The following ZMIZ1 variants were observed in gnomAD, a reference collection of about 807,000 sequenced individuals.
ZMIZ1 encodes zinc finger MIZ domain-containing protein 1.
Under a neutral mutation model 113.9 loss-of-function variants are expected in ZMIZ1, and 17 were observed. The ratio of observed to expected loss-of-function variants is 0.15; its 90% CI spans 0.10 to 0.22. The LOEUF is 0.22. Among genes scored for constraint, ZMIZ1 ranks in the 10% least tolerant of loss-of-function variants. The probability of loss-of-function intolerance (pLI) is 1.00; values close to 1 mark genes in which losing one functional copy is unlikely to be tolerated. For missense variants in ZMIZ1, 1,059 were observed against 1,477.8 expected, an observed-to-expected ratio of 0.72 and a Z score of 4.65; for synonymous variants, 607 against 603.1, an observed-to-expected ratio of 1.01 and a Z score of -0.09.
At position 79,304,166 on chromosome 10, in the gene ZMIZ1, G is replaced by A. The variant is rs1476650431; in HGVS notation, c.2277G>A (p.Lys759=). The A allele has an allele frequency of 1.2e-6, 2 of 1,613,266 alleles. No individual in the cohort carries two copies. Among genetic ancestry groups the A allele is most frequent in the South Asian group, 1.1e-5 (1 of 91,066 alleles). ...IQLPARGHDC[K]HVQCFDLESY... The stretch of plus-strand genomic sequence containing the variant: ...TGCCTGCTCGAGGACACGATTGCAA[G>A]CATGTGCAGGTGAGCGGCCCCAGAA... The change falls in exon 19 of 25, where the codon AAG becomes AAA. Residue 759 remains lysine (K), a synonymous_variant. Coordinates refer to ENST00000334512, the MANE Select transcript of ZMIZ1 (RefSeq NM_020338.4).
intron 1 of ZMIZ1, among the ~76,000 whole-genome samples, chr10:79,098,821 C>G (rs1843259830): frequency 6.6e-6 from 1 of 152,164 alleles, no homozygotes; most frequent in Non-Finnish European, 1.5e-5. Flanking sequence ...CGAGGACAGG[C>G]CTGTGAGGTC....
rs373706542 is a variant in ZMIZ1, at chr10:79,132,850, A to G, written c.-226-6832A>G. On this transcript the variant is annotated intron_variant, in intron 2 of 24. Coordinates refer to ENST00000334512, the MANE Select transcript of ZMIZ1 (RefSeq NM_020338.4). Reference sequence around the variant, plus strand: ...GTTCAGGGGTAGCTCAGCAGGCCCCACTTCCCTTTTTTCTCCCTTCCTCCT... The same window carrying G: ...GTTCAGGGGTAGCTCAGCAGGCCCCGCTTCCCTTTTTTCTCCCTTCCTCCT... 7.2e-5 allele frequency among the ~76,000 whole-genome samples: 11 copies of G among 152,104 alleles called. No individual in the cohort carries two copies. In the East Asian group the frequency reaches 7.7e-4, roughly 11 times the overall value.
intron 1 of ZMIZ1, among the ~76,000 whole-genome samples, chr10:79,071,852 T>C: frequency 6.6e-6 from 1 of 152,104 alleles, no homozygotes; most frequent in East Asian, 1.9e-4. Context: ...TTGGGTTTTG[T>C]TTTCCCCCAA....
intron 1 of ZMIZ1, among the ~76,000 whole-genome samples, chr10:79,071,310 G>T (rs1210701964): frequency 1.2e-4 from 19 of 152,246 alleles, no homozygotes. Flanking sequence ...CCTCCTCCCT[G>T]GTGGGTGTGA....
chr10:79,130,633 G>T (rs751031910), intron 2 of ZMIZ1, among the ~76,000 whole-genome samples: 1 of 152,130 alleles, frequency 6.6e-6, no homozygotes, highest in Admixed American at 6.5e-5. Flanking sequence ...GTGCATAGGC[G>T]CTGGGGTCAT....
In ZMIZ1 at chr10:79,315,722, G is replaced by A. The variant is rs562485435; in HGVS notation, c.*2973G>A. 2 of 152,918 alleles carry A rather than the reference G, an allele frequency of 1.3e-5. No homozygotes were observed. The highest frequency in any genetic ancestry group is 2.4e-5 in the African/African-American group (1 of 41,580). The allele number at this position is 152,918 out of a possible 1,614,324, so 9.5% of individuals were successfully genotyped here. On this transcript the variant is annotated 3_prime_UTR_variant, in exon 25 of 25. Coordinates refer to ENST00000334512, the MANE Select transcript of ZMIZ1 (RefSeq NM_020338.4). ...TCCCGACGGGCCTCGGGCCTGACCCGTCCACACAGGGCCGTGTCAACAGCA... is the reference window on the plus strand; with the variant it reads ...TCCCGACGGGCCTCGGGCCTGACCCATCCACACAGGGCCGTGTCAACAGCA...
At chr10:79,182,456 G>A (rs11591421) in intron 4 of ZMIZ1, among the ~76,000 whole-genome samples, 1 of 152,138 alleles carries the variant, frequency 6.6e-6, no homozygotes. Flanking sequence ...GCTGGGTTTG[G>A]GGGGAGAGTG....
intron 7 of ZMIZ1, among the ~76,000 whole-genome samples, chr10:79,246,213 CTG>C (rs1488027959): frequency 2.0e-5 from 3 of 152,254 alleles, no homozygotes; most frequent in Non-Finnish European, 4.4e-5. Flanking sequence ...GGCCAGCACT[CTG>C]TCATCCAGCA....
At chr10:79,287,567 G>A (rs768795264) in intron 8 of ZMIZ1, among the ~76,000 whole-genome samples, 5 of 152,222 alleles carry the variant, frequency 3.3e-5, no homozygotes, top group African/African-American at 4.8e-5. Context: ...CAAGATCCAC[G>A]ATAAATACAC....
intron 1 of ZMIZ1, among the ~76,000 whole-genome samples, chr10:79,113,678 G>A (rs1166672967): frequency 2.6e-5 from 4 of 152,128 alleles, no homozygotes; most frequent in Non-Finnish European, 5.9e-5. Flanking sequence ...TTTCCAACTC[G>A]TTGTCTGTGT....
At chr10:79,311,816 C>T (rs1042244500) in intron 24 of ZMIZ1, among the ~76,000 whole-genome samples, 1 of 152,040 alleles carries the variant, frequency 6.6e-6, no homozygotes, top group African/African-American at 2.4e-5. Context: ...GGCTGGGCTG[C>T]TGGATGGGGC....
chr10:79,310,832 C>T (rs1006387521), intron 23 of ZMIZ1, 92 bp from the exon 24 acceptor site: 2 of 1,429,508 alleles, frequency 1.4e-6, no homozygotes, highest in Non-Finnish European at 1.9e-6. Context: ...GTTGTGACTT[C>T]CCTGGTTGTG....
At chr10:79,280,392 A>C (rs1267809939) in intron 8 of ZMIZ1, among the ~76,000 whole-genome samples, 1 of 151,904 alleles carries the variant, frequency 6.6e-6, no homozygotes. Flanking sequence ...CTCCCACCTC[A>C]GTATCCTGAG....
At chr10:79,207,591 C>CA (rs1333603604) in intron 5 of ZMIZ1, among the ~76,000 whole-genome samples, 2 of 152,184 alleles carry the variant, frequency 1.3e-5, no homozygotes, top group African/African-American at 4.8e-5. Flanking sequence ...ATTCAGTCTC[C>CA]ATCGACTCAG....
In ZMIZ1 at chr10:79,314,066, C is replaced by T. The variant is rs1211778910; in HGVS notation, c.*1317C>T. ...GACACTGCCCTTGGCTGCCAGCCTACCCTGCCTGCACTCCTCCACCATCAC... is the reference window on the plus strand; with the variant it reads ...GACACTGCCCTTGGCTGCCAGCCTATCCTGCCTGCACTCCTCCACCATCAC... On this transcript the variant is annotated 3_prime_UTR_variant, in exon 25 of 25. Coordinates refer to ENST00000334512, the MANE Select transcript of ZMIZ1 (RefSeq NM_020338.4). 2.2e-6 allele frequency: 1 copy of T among 456,940 alleles called. No homozygotes were observed. The allele number at this position is 456,940 out of a possible 1,614,324, so 28.3% of individuals were successfully genotyped here. A position where few individuals can be genotyped will look rare whatever the true frequency, so the allele number is the denominator to read the frequency against.
intron 7 of ZMIZ1, among the ~76,000 whole-genome samples, chr10:79,248,950 C>T (rs1850375658): frequency 6.6e-6 from 1 of 152,148 alleles, no homozygotes; most frequent in Admixed American, 6.5e-5. Flanking sequence ...TGGGTCAGAG[C>T]CTGAGGCACT....
chr10:79,149,700 C>G (rs546098936), intron 3 of ZMIZ1, among the ~76,000 whole-genome samples: 2 of 152,346 alleles, frequency 1.3e-5, no homozygotes, highest in South Asian at 4.1e-4. Context: ...GGCACGCCTT[C>G]TGCAAGAGCT....
chr10:79,294,698 T>G (rs1028696562), intron 12 of ZMIZ1: 1 of 152,268 alleles, frequency 6.6e-6, no homozygotes, highest in African/African-American at 2.4e-5. Flanking sequence ...AAGCCCCTTT[T>G]TGAGCAGGGT....
chr10:79,283,162 G>A (rs1419837798), intron 8 of ZMIZ1, among the ~76,000 whole-genome samples: 2 of 152,222 alleles, frequency 1.3e-5, no homozygotes, highest in African/African-American at 4.8e-5. Context: ...AAGATTGAGA[G>A]GTGCCTTCCT....
Sources: gnomAD v4.1 joint callset for allele counts (sites outside exome capture counted in the v4.1 genomes callset) on GRCh38, gnomAD v4.1.1 for gene constraint, MANE v1.5 for transcripts, NCBI Gene and HGNC (gene_info 2026-07-23, HGNC 2026-07-21) for gene names.